PIGL: variants seen among roughly 807,000 people sequenced by gnomAD.
The protein encoded by PIGL is N-acetylglucosaminyl-phosphatidylinositol de-N-acetylase.
In PIGL, 22 loss-of-function variants were observed where a neutral mutation model predicts 31.1. The ratio of observed to expected loss-of-function variants is 0.71; its 90% CI spans 0.51 to 1.01. The LOEUF (loss-of-function observed/expected upper bound fraction) is 1.01. Ranked by LOEUF, PIGL falls within the 50% of genes least tolerant of loss-of-function variation. The pLI, the probability that PIGL is intolerant of heterozygous loss-of-function variation, is 0.00. For missense variants in PIGL, 302 were observed against 315.9 expected, an observed-to-expected ratio of 0.96 and a Z score of 0.33; for synonymous variants, 131 against 117.4, an observed-to-expected ratio of 1.12 and a Z score of -0.75.
At chr17:16,311,666 C>G (rs1452458642) in intron 3 of PIGL, among the ~76,000 whole-genome samples, 7 of 148,732 alleles carry the variant, frequency 4.7e-5, no homozygotes, top group Non-Finnish European at 7.4e-5. Context: ...TGACTCTTAA[C>G]GAGCATGCTG....
intron 4 of PIGL, among the ~76,000 whole-genome samples, chr17:16,315,684 TTTTCTTTC>T (rs1295279206): frequency 1.0e-3 from 123 of 120,414 alleles, no homozygotes; most frequent in African/African-American, 2.1e-3. Context: ...CAGTCTTTTC[TTTTCTTTC>T]TTTCTTTCTT....
intron 2 of PIGL, among the ~76,000 whole-genome samples, chr17:16,271,981 C>A (rs1365816939): frequency 6.6e-6 from 1 of 152,130 alleles, no homozygotes; most frequent in Non-Finnish European, 1.5e-5. Flanking sequence ...CACCTTGGCC[C>A]CCGCAAAGCA....
chr17:16,293,090 G>A (rs1568827910), intron 2 of PIGL, among the ~76,000 whole-genome samples: 1 of 152,138 alleles, frequency 6.6e-6, no homozygotes, highest in African/African-American at 2.4e-5. Context: ...TCTAAAAGGA[G>A]TTTTTTCTAC....
intron 6 of PIGL, among the ~76,000 whole-genome samples, chr17:16,319,245 A>AT (rs2093092417): frequency 6.6e-6 from 1 of 150,650 alleles, no homozygotes; most frequent in African/African-American, 2.5e-5. Flanking sequence ...AAAAAAAAAA[A>AT]TCAAAACTAT....
At chr17:16,306,486 GGGT>G (rs2093026678) in intron 3 of PIGL, among the ~76,000 whole-genome samples, 1 of 151,528 alleles carries the variant, frequency 6.6e-6, no homozygotes, top group East Asian at 1.9e-4. Context: ...CTGCATGGAA[GGGT>G]GGGATCAGAA....
intron 1 of PIGL, among the ~76,000 whole-genome samples, chr17:16,232,473 G>A (rs2142672185): frequency 1.3e-5 from 2 of 152,252 alleles, no homozygotes; most frequent in East Asian, 3.9e-4. Flanking sequence ...CAAACTTATT[G>A]AAAATAGTTA....
intron 2 of PIGL, among the ~76,000 whole-genome samples, chr17:16,295,222 G>A: frequency 6.6e-6 from 1 of 151,766 alleles, no homozygotes; most frequent in East Asian, 1.9e-4. Flanking sequence ...TGGCCAACAT[G>A]GTGAAACCCT....
chr17:16,245,254 A>C (rs972311064), intron 2 of PIGL, among the ~76,000 whole-genome samples: 1 of 151,680 alleles, frequency 6.6e-6, no homozygotes, highest in Non-Finnish European at 1.5e-5. Flanking sequence ...GCCTCTCAAG[A>C]AGCTGGGATT....
intron 2 of PIGL, among the ~76,000 whole-genome samples, chr17:16,290,388 T>A (rs2092955456): frequency 2.3e-5 from 3 of 130,470 alleles, no homozygotes; most frequent in African/African-American, 2.9e-5. Context: ...CTTCCTCCAC[T>A]CCTCTTCCCT....
At chr17:16,274,679 C>T (rs1360665963) in intron 2 of PIGL, among the ~76,000 whole-genome samples, 1 of 151,346 alleles carries the variant, frequency 6.6e-6, no homozygotes, top group Non-Finnish European at 1.5e-5. Context: ...GCTGAGATAG[C>T]CCCATGGCAC....
chr17:16,286,698 C>A (rs1180841732), intron 2 of PIGL, among the ~76,000 whole-genome samples: 1 of 152,122 alleles, frequency 6.6e-6, no homozygotes, highest in East Asian at 1.9e-4. Flanking sequence ...CGGGCTTCTA[C>A]GAGTCACACT....
At chr17:16,283,467 C>A (rs955523252) in intron 2 of PIGL, among the ~76,000 whole-genome samples, 72 of 145,806 alleles carry the variant, frequency 4.9e-4, no homozygotes, top group Non-Finnish European at 9.7e-4. Context: ...GACCCTATTT[C>A]AAAAAAAAAA....
chr17:16,317,460 A>G (rs2093082810), intron 5 of PIGL: 4 of 1,083,356 alleles, frequency 3.7e-6, no homozygotes, highest in Non-Finnish European at 4.5e-6. Flanking sequence ...TAAACTCCCA[A>G]TACAGTAATT....
intron 1 of PIGL, among the ~76,000 whole-genome samples, chr17:16,222,905 T>C (rs1242032195): frequency 6.6e-6 from 1 of 151,342 alleles, no homozygotes; most frequent in East Asian, 1.9e-4. Flanking sequence ...CCAGCTACTC[T>C]GGAGGCTGAG....
At chr17:16,296,542 G>A (rs529999825) in intron 2 of PIGL, among the ~76,000 whole-genome samples, 2 of 151,092 alleles carry the variant, frequency 1.3e-5, no homozygotes, top group East Asian at 3.9e-4. Context: ...CCTGGGAGGC[G>A]GAGGTTGCAG....
chr17:16,239,768 G>C (rs1192955114), intron 2 of PIGL, among the ~76,000 whole-genome samples: 1 of 152,040 alleles, frequency 6.6e-6, no homozygotes, highest in Non-Finnish European at 1.5e-5. Context: ...AACTGAGATG[G>C]AGATGATGGG....
chr17:16,324,614 C>T (rs2093119591), intron 6 of PIGL, among the ~76,000 whole-genome samples: 1 of 152,184 alleles, frequency 6.6e-6, no homozygotes. Flanking sequence ...CCACCTCAGC[C>T]TCCCAAAGTG....
chr17:16,288,782 G>A (rs769996233), intron 2 of PIGL, among the ~76,000 whole-genome samples: 1 of 149,142 alleles, frequency 6.7e-6, no homozygotes, highest in Admixed American at 6.7e-5. Flanking sequence ...CAGGTGATCC[G>A]CCCACCTCAG....
intron 3 of PIGL, among the ~76,000 whole-genome samples, chr17:16,306,822 C>A (rs755410838): frequency 2.0e-5 from 3 of 152,190 alleles, no homozygotes; most frequent in Non-Finnish European, 4.4e-5. Flanking sequence ...AGCCACCGCA[C>A]CCGGCTGGCT....
Sources: allele counts gnomAD v4.1 joint callset (sites outside exome capture counted in the v4.1 genomes callset), GRCh38; gene constraint gnomAD v4.1.1; transcripts MANE v1.5; gene names NCBI Gene and HGNC (gene_info 2026-07-23, HGNC 2026-07-21).